Variants in ZDHHC11B observed in about 807,000 individuals in gnomAD.
ZDHHC11B encodes probable palmitoyltransferase ZDHHC11B.
Under a neutral mutation model 42.3 loss-of-function variants are expected in ZDHHC11B, and 17 were observed. That is an observed-to-expected ratio of 0.40 (90% CI 0.27 to 0.60). The LOEUF (loss-of-function observed/expected upper bound fraction) is 0.60. Among genes scored for constraint, ZDHHC11B ranks in the 20% least tolerant of loss-of-function variants. ZDHHC11B has a pLI of 0.41. For synonymous variants in ZDHHC11B, 123 were observed against 193.5 expected, an observed-to-expected ratio of 0.64 and a Z score of 3.02; for missense variants, 262 against 463.2, an observed-to-expected ratio of 0.57 and a Z score of 3.99.
At chr5:733,552 C>A (rs1743227642) in intron 11 of ZDHHC11B, among the ~76,000 whole-genome samples, 200 bp downstream of exon 11, 1 of 151,568 alleles carries the variant, frequency 6.6e-6, no homozygotes, top group African/African-American at 2.4e-5. Context: ...TCTCTGTCAC[C>A]CACAGCTGGG....
intron 12 of ZDHHC11B, among the ~76,000 whole-genome samples, chr5:720,411 A>C (rs1217385784): frequency 2.0e-5 from 3 of 151,826 alleles, no homozygotes; most frequent in East Asian, 3.9e-4. Flanking sequence ...GGCAACCAAG[A>C]GTTCTATATG....
intron 1 of ZDHHC11B, among the ~76,000 whole-genome samples, chr5:776,662 C>G (rs1484869658): frequency 6.6e-6 from 1 of 151,922 alleles, no homozygotes; most frequent in Non-Finnish European, 1.5e-5. Flanking sequence ...GCCACCCTCA[C>G]AGCGGAAGGA....
In ZDHHC11B at chr5:759,234, G is replaced by A. The variant is rs187326508; in HGVS notation, c.223-3090C>T. 2.9e-4 allele frequency among the ~76,000 whole-genome samples: 44 copies of A among 151,916 alleles called. No homozygotes were observed. The East Asian group carries it at 3.1e-3, about 11-fold the overall frequency. ...CTGTATTTTGTAAATAAACGGCGCC[G>A]CAGCGCCAGCCCAGAACACACACCC... On this transcript the variant is annotated intron_variant, in intron 4 of 13. Transcript: ENST00000508859.
intron 6 of ZDHHC11B, among the ~76,000 whole-genome samples, chr5:754,496 TCTTCCTTG>T: frequency 8.9e-6 from 1 of 112,526 alleles, no homozygotes; most frequent in Non-Finnish European, 1.8e-5. Flanking sequence ...GAAACATCTC[TCTTCCTTG>T]CATCTCCACC....
rs183410959 is a variant in ZDHHC11B at position 752,796 on chromosome 5, C to T, written c.504-1539G>A. On this transcript the variant is annotated intron_variant, in intron 6 of 13. Coordinates refer to ENST00000508859, the MANE Select transcript of ZDHHC11B (RefSeq NM_001351303.2). ...CAGCAGCCCCTCCAGGCAGTGGACA[C>T]GCCCTACCCTGCCCCCAGTCCTCCT... is the stretch of plus-strand genomic sequence containing the variant. 6.9e-3 allele frequency among the ~76,000 whole-genome samples: 706 copies of T among 102,362 alleles called. 21 individuals are homozygous for T. Among genetic ancestry groups the T allele is most frequent in the African/African-American group, 0.02 (670 of 33,968 alleles). 67.2% of individuals were successfully genotyped at this position (102,362 alleles called of 152,430 possible).
chr5:752,288 C>T (rs1745878058), intron 6 of ZDHHC11B, among the ~76,000 whole-genome samples: 1 of 84,180 alleles, frequency 1.2e-5, no homozygotes, highest in African/African-American at 3.5e-5. Context: ...GGCTGCAGTC[C>T]CCCCTTCTCC....
rs530851445 is a variant in ZDHHC11B at position 710,711 on chromosome 5, C to T, written c.*1579G>A. Reference sequence around the variant, plus strand: ...TCCCATTTCCCAGGACTGTGAGCTTCCATTTCCCAGTACTGTGCTCCCATT... The same window carrying T: ...TCCCATTTCCCAGGACTGTGAGCTTTCATTTCCCAGTACTGTGCTCCCATT... On this transcript the variant is annotated 3_prime_UTR_variant, in exon 14 of 14. Transcript: ENST00000508859. The T allele has an allele frequency of 6.5e-6, 1 of 154,340 alleles. No individual in the cohort carries two copies. Among genetic ancestry groups the T allele is most frequent in the Non-Finnish European group, 1.5e-5 (1 of 68,700 alleles). 9.6% of individuals were successfully genotyped at this position (154,340 alleles called of 1,614,324 possible).
At position 778,257 on chromosome 5, in the gene ZDHHC11B, A is replaced by C. The variant is rs1465287778; in HGVS notation, c.-230+6411T>G. On this transcript the variant is annotated intron_variant, in intron 1 of 13. Transcript: ENST00000508859. ...AACAGAGCATCCCAAAAGGGAATAG[A>C]GATCCCGGCTGGCTCATCCCATCAA... Among the ~76,000 whole-genome samples, 3 of 151,788 alleles carry C rather than the reference A, an allele frequency of 2.0e-5. 1 individual carries two copies. Among genetic ancestry groups the C allele is most frequent in the Non-Finnish European group, 4.4e-5 (3 of 67,878 alleles).
intron 1 of ZDHHC11B, among the ~76,000 whole-genome samples, chr5:772,198 T>C (rs1300070066): frequency 2.0e-5 from 3 of 149,564 alleles, no homozygotes; most frequent in Non-Finnish European, 3.0e-5. Flanking sequence ...TGAGCAGAGA[T>C]GCGGACGGGT....
At position 726,108 on chromosome 5, in the gene ZDHHC11B, G is replaced by A. The variant is rs748648733; in HGVS notation, c.1058+4326C>T. On this transcript the variant is annotated intron_variant, in intron 12 of 13. Transcript: ENST00000508859. ...AACGCAGACCAGAATATCCCCCATC[G>A]GTTTGTCTAATATCCACCACTAGAG... Among the ~76,000 whole-genome samples, 17 of 149,310 alleles carry A rather than the reference G, an allele frequency of 1.1e-4. 1 individual carries two copies. The highest frequency in any genetic ancestry group is 2.2e-4 in the Non-Finnish European group (15 of 67,404).
intron 4 of ZDHHC11B, among the ~76,000 whole-genome samples, chr5:756,432 T>C (rs1324788130): frequency 1.3e-5 from 2 of 151,554 alleles, no homozygotes; most frequent in African/African-American, 2.4e-5. Context: ...CTAGAGAAGA[T>C]GAGGCTACCC....
chr5:716,494 T>C (rs1741760191), intron 13 of ZDHHC11B, among the ~76,000 whole-genome samples: 2 of 151,764 alleles, frequency 1.3e-5, no homozygotes, highest in South Asian at 4.2e-4. Flanking sequence ...ATCAGTACAA[T>C]TGGGTGAAAA....
chr5:716,913 A>G (rs2126952603), intron 12 of ZDHHC11B, 48 bp from the exon 13 acceptor site: 1 of 1,610,888 alleles, frequency 6.2e-7, no homozygotes, highest in African/African-American at 1.3e-5. Context: ...GTATGATGTA[A>G]TACTTGTTAT....
At chr5:740,049 A>G (rs1329971622) in intron 10 of ZDHHC11B, among the ~76,000 whole-genome samples, 1 of 150,870 alleles carries the variant, frequency 6.6e-6, no homozygotes, top group Non-Finnish European at 1.5e-5. Flanking sequence ...ACATCGTAGT[A>G]TCTCACTTAT....
At chr5:777,872 G>A (rs954582432) in intron 1 of ZDHHC11B, among the ~76,000 whole-genome samples, 23 of 151,756 alleles carry the variant, frequency 1.5e-4, no homozygotes, top group East Asian at 5.8e-4. Flanking sequence ...CGGGGGCGGC[G>A]CCCTTCCGGG....
At chr5:748,607 G>A (rs745743237) in intron 7 of ZDHHC11B, 48 bp from the exon 8 acceptor site, 12 of 1,324,628 alleles carry the variant, frequency 9.1e-6, no homozygotes, top group Admixed American at 2.5e-5. Context: ...GCTGACGGGT[G>A]CCACATCAGG....
In ZDHHC11B at chr5:719,070, G is replaced by A. The variant is rs1402826859; in HGVS notation, c.1059-2205C>T. Among the ~76,000 whole-genome samples, 3 of 151,806 alleles carry A rather than the reference G, an allele frequency of 2.0e-5. 1 individual carries two copies. Among genetic ancestry groups the A allele is most frequent in the Non-Finnish European group, 4.4e-5 (3 of 67,990 alleles). On this transcript the variant is annotated intron_variant, in intron 12 of 13. Transcript: ENST00000508859. ...GAAATCTTTGATAGTTCACTAACTGGTCATAGAGATAAAGGAAGAGCAACT... is the reference window on the plus strand; with the variant it reads ...GAAATCTTTGATAGTTCACTAACTGATCATAGAGATAAAGGAAGAGCAACT...
intron 1 of ZDHHC11B, among the ~76,000 whole-genome samples, chr5:777,162 G>A (rs1015459395): frequency 6.6e-6 from 1 of 152,012 alleles, no homozygotes; most frequent in African/African-American, 2.4e-5. Context: ...TGCGTCTGGA[G>A]TTTCTTCCTT....
chr5:746,179 C>G (rs1365031235), intron 8 of ZDHHC11B, among the ~76,000 whole-genome samples: 3 of 147,622 alleles, frequency 2.0e-5, no homozygotes, highest in African/African-American at 7.4e-5. Flanking sequence ...CTCCATGCTT[C>G]TTTCCCTAAA....
Sources: gnomAD v4.1 joint callset for allele counts (sites outside exome capture counted in the v4.1 genomes callset) on GRCh38, gnomAD v4.1.1 for gene constraint, MANE v1.5 for transcripts, NCBI Gene and HGNC (gene_info 2026-07-23, HGNC 2026-07-21) for gene names.